ZNF524: variants seen among roughly 807,000 people sequenced by gnomAD.
ZNF524 encodes the protein zinc finger protein 524.
For synonymous variants in ZNF524, 194 were observed against 166.3 expected (o/e 1.17, Z -1.28); for missense variants, 388 against 380.1 (o/e 1.02, Z -0.17).
At chr19:55,599,871 GAAAA>G (rs953357135), upstream of ZNF524, 1 of 151,304 alleles carries the variant, frequency 6.6e-6, no homozygotes, top group African/African-American at 2.4e-5. Context: ...TTGGACTAGG[GAAAA>G]AAAAAGAAAG....
At chr19:55,601,936 A>ATAGCTAAAATTGTG in intron 1 of ZNF524, 139 bp from the exon 2 acceptor site, 1 of 516,480 alleles carries the variant, frequency 1.9e-6, no homozygotes, top group Non-Finnish European at 3.3e-6. Flanking sequence ...ACCCACCAGC[A>ATAGCTAAAATTGTG]TAGCTAAAAT....
At chr19:55,601,394 G>A (rs1489242996) in intron 1 of ZNF524, 1 of 152,192 alleles carries the variant, frequency 6.6e-6, no homozygotes, top group Non-Finnish European at 1.5e-5. Flanking sequence ...ACACTTTGTG[G>A]GTATTATGCT....
chr19:55,602,775 C>G lies in ZNF524; in HGVS notation c.663C>G (p.His221Gln). The G allele has an allele frequency of 6.2e-7, 1 of 1,610,718 alleles. No individual in the cohort carries two copies. Among genetic ancestry groups the G allele is most frequent in the Non-Finnish European group, 8.5e-7 (1 of 1,179,860 alleles). Residue 221 changes from histidine to glutamine, a missense_variant, in exon 2 of 2, where the codon CAC becomes CAG. Coordinates refer to ENST00000301073, the MANE Select transcript of ZNF524 (RefSeq NM_153219.4). ...NTLRRHAKRKHPEAMGVPLCA... is the reference protein window; with the variant it reads ...NTLRRHAKRKQPEAMGVPLCA... ...TCCGGCGCCATGCGAAGCGCAAGCA[C>G]CCGGAGGCCATGGGGGTACCCCTGT...
At chr19:55,601,442 C>T (rs1261923949) in intron 1 of ZNF524, 1 of 152,168 alleles carries the variant, frequency 6.6e-6, no homozygotes, top group African/African-American at 2.4e-5. Flanking sequence ...ACTATGTGTC[C>T]CATTTTGCAA....
chr19:55,600,692 G>A (rs2123569098), intron 1 of ZNF524: 1 of 152,340 alleles, frequency 6.6e-6, no homozygotes, highest in South Asian at 2.1e-4. Context: ...GGGACGGGGA[G>A]GGTCGGGGGA....
At chr19:55,602,042 G>T in intron 1 of ZNF524, 33 bp from the exon 2 acceptor site, 1 of 1,427,664 alleles carries the variant, frequency 7.0e-7, no homozygotes. Flanking sequence ...TCTAGACCCT[G>T]TGAGCACTGA....
chr19:55,602,360 ACCT>A lies in ZNF524; in HGVS notation c.255_257del (p.Leu86del). 1.3e-6 allele frequency: 2 copies of A among 1,559,712 alleles called. No homozygotes were observed. Among genetic ancestry groups the A allele is most frequent in the Non-Finnish European group, 8.7e-7 (1 of 1,152,706 alleles). ...CCAGTAGGCAGCAGTGGCGGGAGCG[ACCT>A]CCTCCTGATCGATGATCAGGGTGTG... On this transcript the variant is annotated inframe_deletion, in exon 2 of 2. Transcript: ENST00000301073.
Position 55,602,905 on chromosome 19 carries a change from T to G in ZNF524, c.793T>G (p.Ter265GlyextTer61). ...EETEGKGEPA[*>G] is the part of the protein sequence containing the mutation. ...GACAGAGGGGAAAGGGGAGCCGGCCTGACCCACACCCCCGGCCATCGCTCC... is the reference window on the plus strand; with the variant it reads ...GACAGAGGGGAAAGGGGAGCCGGCCGGACCCACACCCCCGGCCATCGCTCC... Residue 265 changes from the stop codon to glycine (G), a stop_lost, in exon 2 of 2, where the codon TGA becomes GGA. Transcript: ENST00000301073. 6.4e-7 allele frequency: 1 copy of G among 1,560,578 alleles called. No homozygotes were observed. Among genetic ancestry groups the G allele is most frequent in the East Asian group, 2.3e-5 (1 of 43,206 alleles).
chr19:55,602,894 G>GGGA lies in ZNF524; in HGVS notation c.784_786dup (p.Glu262dup), dbSNP rs772154958. The GGGA allele has an allele frequency of 6.3e-7, 1 of 1,576,212 alleles. No individual in the cohort carries two copies. Among genetic ancestry groups the GGGA allele is most frequent in the Non-Finnish European group, 8.6e-7 (1 of 1,161,232 alleles). ...GAGGAGGAGGAGACAGAGGGGAAAG[G>GGGA]GGAGCCGGCCTGACCCACACCCCCG... On this transcript the variant is annotated inframe_insertion, in exon 2 of 2. Coordinates refer to ENST00000301073, the MANE Select transcript of ZNF524 (RefSeq NM_153219.4).
Position 55,600,473 on chromosome 19 carries a change from C to A in ZNF524, c.-39+65C>A, listed in dbSNP as rs1368092289. On this transcript the variant is annotated intron_variant, in intron 1 of 1. Transcript: ENST00000301073. Reference sequence around the variant, plus strand: ...TGGGGGTAGGGGAGGCCGGGCCGCGCGCTCCCGGAGCGCGCCTCCAACACC... The same window carrying A: ...TGGGGGTAGGGGAGGCCGGGCCGCGAGCTCCCGGAGCGCGCCTCCAACACC... 7 of 149,548 alleles carry A rather than the reference C, an allele frequency of 4.7e-5. No homozygotes were observed. In the East Asian group the frequency reaches 1.4e-3, roughly 30 times the overall value. 9.3% of individuals were successfully genotyped at this position (149,548 alleles called of 1,614,324 possible). A position where few individuals can be genotyped will look rare whatever the true frequency, so the allele number is the denominator to read the frequency against.
upstream of ZNF524, chr19:55,600,166 C>G (rs1980577712): frequency 6.6e-6 from 1 of 151,878 alleles, no homozygotes; most frequent in South Asian, 2.1e-4. Context: ...CGGGCGTGGC[C>G]GCGACCGGTC....
chr19:55,602,844 C>T lies in ZNF524; in HGVS notation c.732C>T (p.Gly244=), dbSNP rs550094304. 8.7e-6 allele frequency: 14 copies of T among 1,608,298 alleles called. No homozygotes were observed. Among genetic ancestry groups the T allele is most frequent in the African/African-American group, 1.3e-5 (1 of 75,064 alleles). Residue 244 remains glycine (G), a synonymous_variant, in exon 2 of 2, where the codon GGC becomes GGT. Transcript: ENST00000301073. ...PGSEPPWDEE[G]IPATAGAEEE... is the part of the protein sequence containing the mutation. ...CTGAACCGCCGTGGGACGAGGAGGGCATCCCGGCCACAGCAGGGGCCGAGG... is the reference window on the plus strand; with the variant it reads ...CTGAACCGCCGTGGGACGAGGAGGGTATCCCGGCCACAGCAGGGGCCGAGG...
chr19:55,601,183 A>G (rs2123570320), intron 1 of ZNF524: 1 of 152,240 alleles, frequency 6.6e-6, no homozygotes, highest in Admixed American at 6.5e-5. Flanking sequence ...ATTCTCTGGG[A>G]CATTCGGGTC....
Position 55,602,588 on chromosome 19 carries a change from G to A in ZNF524, c.476G>A (p.Arg159Gln), listed in dbSNP as rs767568382. 6.3e-7 allele frequency: 1 copy of A among 1,584,682 alleles called. No individual in the cohort carries two copies. Among genetic ancestry groups the A allele is most frequent in the South Asian group, 1.1e-5 (1 of 88,832 alleles). ...TTCAAGCGCTCCAGCCACCTGCGGC[G>A]GCACTGCAACATCCATGCCGGCCTG... ...KTFKRSSHLR[R>Q]HCNIHAGLRP... is the part of the protein sequence containing the mutation. The change falls in exon 2 of 2, where the codon CGG becomes CAG. Residue 159 changes from arginine (R) to glutamine (Q), a missense_variant. Coordinates refer to ENST00000301073, the MANE Select transcript of ZNF524 (RefSeq NM_153219.4).
In ZNF524 at chr19:55,602,780, A is replaced by C; in HGVS notation, c.668A>C (p.Glu223Ala). 6.2e-7 allele frequency: 1 copy of C among 1,610,938 alleles called. No homozygotes were observed. The highest frequency in any genetic ancestry group is 8.5e-7 in the Non-Finnish European group (1 of 1,179,838). ...LRRHAKRKHP[E>A]AMGVPLCAPD... ...CGCCATGCGAAGCGCAAGCACCCGGAGGCCATGGGGGTACCCCTGTGTGCA... is the reference window on the plus strand; with the variant it reads ...CGCCATGCGAAGCGCAAGCACCCGGCGGCCATGGGGGTACCCCTGTGTGCA... The change falls in exon 2 of 2, where the codon GAG becomes GCG. Residue 223 changes from glutamate (E) to alanine (A), a missense_variant. Glu to Ala is a moderately radical substitution (Grantham distance 107). Coordinates refer to ENST00000301073, the MANE Select transcript of ZNF524 (RefSeq NM_153219.4).
intron 1 of ZNF524, chr19:55,601,408 G>A (rs1980673616): frequency 6.6e-6 from 1 of 152,226 alleles, no homozygotes; most frequent in South Asian, 2.1e-4. Context: ...TTATGCTCAT[G>A]GCATGTCTGG....
rs1429127485 is a variant in ZNF524 at position 55,602,903 on chromosome 19, C to T, written c.791C>T (p.Ala264Val). The T allele has an allele frequency of 6.4e-7, 1 of 1,563,536 alleles. No individual in the cohort carries two copies. The highest frequency in any genetic ancestry group is 8.7e-7 in the Non-Finnish European group (1 of 1,153,376). Reference protein sequence around the residue: ...EEETEGKGEPA With the variant: ...EEETEGKGEPV ...GAGACAGAGGGGAAAGGGGAGCCGG[C>T]CTGACCCACACCCCCGGCCATCGCT... Residue 264 changes from alanine (A) to valine (V), a missense_variant, in exon 2 of 2, where the codon GCC becomes GTC. Physicochemically the swap from Ala to Val is moderately conservative, Grantham distance 64. Transcript: ENST00000301073.
chr19:55,601,284 CT>C (rs1441178610), intron 1 of ZNF524: 1 of 152,232 alleles, frequency 6.6e-6, no homozygotes, highest in African/African-American at 2.4e-5. Flanking sequence ...GTTTCCCCAT[CT>C]GCAAAATGGG....
At chr19:55,600,829 G>GT (rs1487252661) in intron 1 of ZNF524, 1 of 152,154 alleles carries the variant, frequency 6.6e-6, no homozygotes, top group Non-Finnish European at 1.5e-5. Flanking sequence ...TAAAGGGGAG[G>GT]GGGGGGTGCA....
Sources: allele counts gnomAD v4.1 joint callset, GRCh38; gene constraint gnomAD v4.1.1; transcripts MANE v1.5; gene names NCBI Gene and HGNC (gene_info 2026-07-23, HGNC 2026-07-21).